RALYL: variants seen among roughly 807,000 people sequenced by gnomAD.
RALYL encodes the protein RNA-binding Raly-like protein.
Under a neutral mutation model 35.1 loss-of-function variants are expected in RALYL, and 29 were observed. The observed-to-expected ratio is 0.83, with a 90% CI of 0.61 to 1.13. RALYL has a LOEUF of 1.13. RALYL is among the 50% of genes most tolerant of loss of function. RALYL has a pLI of 0.00. For missense variants in RALYL, 359 were observed against 360.4 expected (o/e 1.00, Z 0.03); for synonymous variants, 120 against 127.6 (o/e 0.94, Z 0.40).
intron 2 of RALYL, among the ~76,000 whole-genome samples, chr8:84,765,853 C>T (rs1448127738): frequency 1.3e-5 from 2 of 151,020 alleles, no homozygotes; most frequent in African/African-American, 4.9e-5. Flanking sequence ...AAAAAAAACC[C>T]TAAGAATAAA....
rs1175959808 is a variant in RALYL at position 84,184,266 on chromosome 8, T to C, written c.-182T>C. ...TTTATGATAGATATCCTGATATCTA[T>C]ATCTATATTGTCCCTTATTTCTCCC... On this transcript the variant is annotated 5_prime_UTR_variant, in exon 1 of 9. Transcript: ENST00000521268. 6.6e-6 allele frequency: 1 copy of C among 152,424 alleles called. No individual in the cohort carries two copies. Among genetic ancestry groups the C allele is most frequent in the Non-Finnish European group, 1.5e-5 (1 of 68,038 alleles). 9.4% of individuals were successfully genotyped at this position (152,424 alleles called of 1,614,324 possible).
intron 1 of RALYL, among the ~76,000 whole-genome samples, chr8:84,509,122 C>A (rs1047593964): frequency 6.6e-6 from 1 of 151,882 alleles, no homozygotes; most frequent in African/African-American, 2.4e-5. Context: ...AAAAATAATA[C>A]CTTGTATTGT....
chr8:84,669,487 T>TCCC (rs71273910), intron 2 of RALYL, among the ~76,000 whole-genome samples: 2 of 15,546 alleles, frequency 1.3e-4, no homozygotes, highest in Non-Finnish European at 2.5e-4. Flanking sequence ...CCCTCCCCCC[T>TCCC]CCCCCCCCCC....
intron 1 of RALYL, among the ~76,000 whole-genome samples, chr8:84,325,648 A>T (rs1368525474): frequency 6.6e-6 from 1 of 152,168 alleles, no homozygotes. Flanking sequence ...TTATTTGTCC[A>T]CTTCTGTTGC....
chr8:84,655,327 T>C lies in RALYL; in HGVS notation c.257-119252T>C, dbSNP rs200748995. On this transcript the variant is annotated intron_variant, in intron 2 of 8. Transcript: ENST00000521268. Reference sequence around the variant, plus strand: ...TTTGTTTTTGTCTTGTTTTGTTTTGTTTTTTGTTGTTGTTTTTTTGAGTCA... The same window carrying C: ...TTTGTTTTTGTCTTGTTTTGTTTTGCTTTTTGTTGTTGTTTTTTTGAGTCA... 2.0e-5 allele frequency among the ~76,000 whole-genome samples: 3 copies of C among 151,918 alleles called. No homozygotes were observed. In the East Asian group the frequency reaches 5.8e-4, roughly 29 times the overall value.
At position 84,521,157 on chromosome 8, in the gene RALYL, A is replaced by C. The variant is rs146897547; in HGVS notation, c.-23-8142A>C. On this transcript the variant is annotated intron_variant, in intron 1 of 8. Transcript: ENST00000521268. ...TTTAGATGAGGTCATGAGCGTGAAG[A>C]TCCCATAATAGGAATTGTGCCCTTA... is the stretch of plus-strand genomic sequence containing the variant. Among the ~76,000 whole-genome samples the C allele has an allele frequency of 2.9e-3, 442 of 152,260 alleles. 4 individuals carry two copies. Among genetic ancestry groups the C allele is most frequent in the African/African-American group, 9.7e-3 (402 of 41,550 alleles).
chr8:84,523,348 G>T (rs933778083), intron 1 of RALYL, among the ~76,000 whole-genome samples: 11 of 146,500 alleles, frequency 7.5e-5, no homozygotes, highest in Non-Finnish European at 1.5e-4. Flanking sequence ...AACAGCATGG[G>T]GAAAAAAAAA....
chr8:84,227,142 C>A (rs1256772302), intron 1 of RALYL, among the ~76,000 whole-genome samples: 1 of 132,892 alleles, frequency 7.5e-6, no homozygotes, highest in Non-Finnish European at 1.5e-5. Context: ...CTCACTGAAA[C>A]CTCCATCTCC....
chr8:84,310,071 CAG>C (rs1842484256), intron 1 of RALYL, among the ~76,000 whole-genome samples: 1 of 150,808 alleles, frequency 6.6e-6, no homozygotes, highest in Non-Finnish European at 1.5e-5. Context: ...TTTCTTGAGA[CAG>C]AGTCTCGCTC....
At chr8:84,573,124 A>AT (rs1003989106) in intron 2 of RALYL, among the ~76,000 whole-genome samples, 22 of 151,252 alleles carry the variant, frequency 1.5e-4, no homozygotes, top group Middle Eastern at 3.4e-3. Flanking sequence ...CACAATATAT[A>AT]TTTTTTTACT....
intron 8 of RALYL, among the ~76,000 whole-genome samples, chr8:84,889,357 TGG>T (rs1374180437): frequency 1.3e-5 from 2 of 152,190 alleles, no homozygotes; most frequent in Non-Finnish European, 2.9e-5. Context: ...CCATTTACAA[TGG>T]TTACTTCTCT....
At chr8:84,824,449 A>G (rs1829214059) in intron 4 of RALYL, among the ~76,000 whole-genome samples, 1 of 151,984 alleles carries the variant, frequency 6.6e-6, no homozygotes, top group Non-Finnish European at 1.5e-5. Context: ...AAAGCAACCT[A>G]TAGATCCAGC....
In RALYL at chr8:84,450,632, G is replaced by C. The variant is rs1006285253; in HGVS notation, c.-23-78667G>C. On this transcript the variant is annotated intron_variant, in intron 1 of 8. Transcript: ENST00000521268. ...TACCTTTTTAATTCAATGTTAAATT[G>C]CTTTTTTGAAGACCTATAAAAGAGC... is the stretch of plus-strand genomic sequence containing the variant. 2.6e-5 allele frequency among the ~76,000 whole-genome samples: 4 copies of C among 151,798 alleles called. No homozygotes were observed. The South Asian group carries it at 8.3e-4, about 32-fold the overall frequency.
intron 1 of RALYL, among the ~76,000 whole-genome samples, chr8:84,494,909 C>A (rs896692547): frequency 6.6e-5 from 10 of 152,018 alleles, no homozygotes; most frequent in Non-Finnish European, 1.5e-5. Context: ...TGACTGATTG[C>A]CCTGGCCAGA....
intron 7 of RALYL, among the ~76,000 whole-genome samples, chr8:84,887,039 T>C (rs2135416875): frequency 6.6e-6 from 1 of 152,338 alleles, no homozygotes; most frequent in South Asian, 2.1e-4. Context: ...TAACCACATC[T>C]GTCAACATAA....
chr8:84,592,298 T>TA (rs1813479130), intron 2 of RALYL, among the ~76,000 whole-genome samples: 1 of 152,192 alleles, frequency 6.6e-6, no homozygotes, highest in Admixed American at 6.5e-5. Flanking sequence ...GACCCTTTTT[T>TA]ACTTTAAAAG....
At chr8:84,589,975 A>G (rs1462773758) in intron 2 of RALYL, among the ~76,000 whole-genome samples, 1 of 152,260 alleles carries the variant, frequency 6.6e-6, no homozygotes, top group African/African-American at 2.4e-5. Context: ...TGAAGAGGGC[A>G]TATGAAAGCT....
Position 84,674,871 on chromosome 8 carries a change from G to A in RALYL, c.257-99708G>A, listed in dbSNP as rs537265207. Among the ~76,000 whole-genome samples the A allele has an allele frequency of 2.0e-4, 31 of 151,892 alleles. 2 individuals carry two copies. In the South Asian group the frequency reaches 6.2e-3, roughly 30 times the overall value. ...TTTCTTATATTTTTGAAACCAAATTGTATACAAAGTAAGCACAGTTTGAGT... is the reference window on the plus strand; with the variant it reads ...TTTCTTATATTTTTGAAACCAAATTATATACAAAGTAAGCACAGTTTGAGT... On this transcript the variant is annotated intron_variant, in intron 2 of 8. Coordinates refer to ENST00000521268, the MANE Select transcript of RALYL (RefSeq NM_173848.7).
intron 1 of RALYL, among the ~76,000 whole-genome samples, chr8:84,357,636 T>C (rs1343454718): frequency 6.6e-6 from 1 of 151,744 alleles, no homozygotes; most frequent in Non-Finnish European, 1.5e-5. Flanking sequence ...TTTAGAATTC[T>C]AGAAAAGTAC....
Sources: allele counts gnomAD v4.1 joint callset (sites outside exome capture counted in the v4.1 genomes callset), GRCh38; gene constraint gnomAD v4.1.1; transcripts MANE v1.5; gene names NCBI Gene and HGNC (gene_info 2026-07-23, HGNC 2026-07-21).